The following EXOC4 variants were observed in gnomAD, a reference collection of about 807,000 sequenced individuals.
EXOC4 encodes the protein exocyst complex component 4, also known as SEC8-like 1.
EXOC4 carries 71 observed loss-of-function variants against 107.2 expected under a neutral mutation model. The ratio of observed to expected loss-of-function variants is 0.66; its 90% confidence interval spans 0.55 to 0.81. The LOEUF is 0.81. Ranked by LOEUF, EXOC4 falls within the 30% of genes least tolerant of loss-of-function variation. The pLI is 0.00. For missense variants in EXOC4, 1,108 were observed against 1,189.6 expected (o/e 0.93, Z 1.01); for synonymous variants, 456 against 441.2 (o/e 1.03, Z -0.42).
intron 9 of EXOC4, among the ~76,000 whole-genome samples, chr7:133,529,353 A>G (rs770156983): frequency 2.1e-4 from 32 of 152,172 alleles, no homozygotes; most frequent in Non-Finnish European, 3.2e-4. Flanking sequence ...TCATTCAGAC[A>G]TCCCTGCTCC....
chr7:134,046,209 C>T (rs1468324787), intron 17 of EXOC4, among the ~76,000 whole-genome samples: 2 of 152,168 alleles, frequency 1.3e-5, no homozygotes, highest in African/African-American at 4.8e-5. Context: ...GGGCCGGGCA[C>T]AATGGCTCAT....
chr7:134,045,716 G>C (rs966192885), intron 17 of EXOC4, among the ~76,000 whole-genome samples: 1 of 152,096 alleles, frequency 6.6e-6, no homozygotes, highest in African/African-American at 2.4e-5. Context: ...TCACCAGCTA[G>C]TTTTGGAACA....
chr7:133,668,146 G>GT (rs1471763114), intron 10 of EXOC4, among the ~76,000 whole-genome samples: 1 of 152,118 alleles, frequency 6.6e-6, no homozygotes, highest in East Asian at 1.9e-4. Context: ...ATTCGGAATG[G>GT]TTTTTTATGT....
intron 1 of EXOC4, among the ~76,000 whole-genome samples, chr7:133,267,830 T>C (rs1464948858): frequency 6.6e-6 from 1 of 152,228 alleles, no homozygotes; most frequent in Non-Finnish European, 1.5e-5. Flanking sequence ...GGCTGGGAAC[T>C]GTCCTCCATG....
At chr7:133,448,557 T>C (rs567693571) in intron 7 of EXOC4, among the ~76,000 whole-genome samples, 5 of 152,188 alleles carry the variant, frequency 3.3e-5, no homozygotes, top group South Asian at 2.1e-4. Context: ...ATCTTGCCAC[T>C]TCACCCATCC....
chr7:133,682,847 A>G (rs1169951011), intron 10 of EXOC4, among the ~76,000 whole-genome samples: 1 of 152,240 alleles, frequency 6.6e-6, no homozygotes, highest in Non-Finnish European at 1.5e-5. Flanking sequence ...GTCCCAGAGC[A>G]CATTGTTATT....
At chr7:133,817,085 T>C (rs956832219) in intron 10 of EXOC4, among the ~76,000 whole-genome samples, 1 of 152,208 alleles carries the variant, frequency 6.6e-6, no homozygotes, top group African/African-American at 2.4e-5. Context: ...AAAAATAATT[T>C]TTGTCTTCTC....
At chr7:134,096,341 G>A in the EXOC4 span, among the ~76,000 whole-genome samples, 1 of 152,138 alleles carries the variant, frequency 6.6e-6, no homozygotes, top group Non-Finnish European at 1.5e-5. Flanking sequence ...AAAGATAGAG[G>A]GCCATTTATC....
At chr7:133,254,553 C>T (rs7777153) in intron 1 of EXOC4, among the ~76,000 whole-genome samples, 26,086 of 152,128 alleles carry the variant, frequency 0.17, 5,062 homozygotes, top group African/African-American at 0.47. Context: ...ACCTTATAGT[C>T]AACATTTATT....
At chr7:133,374,683 G>T in intron 6 of EXOC4, 145 bp from the exon 7 acceptor site, 1 of 605,812 alleles carries the variant, frequency 1.7e-6, no homozygotes. Context: ...ACAGTTGTTT[G>T]AATTCACATC....
chr7:133,498,123 C>G (rs1584959928), intron 9 of EXOC4, among the ~76,000 whole-genome samples: 1 of 152,150 alleles, frequency 6.6e-6, no homozygotes, highest in African/African-American at 2.4e-5. Flanking sequence ...CTCCCTACCA[C>G]TCCCAAGCCC....
At chr7:133,780,049 C>A (rs2551031) in intron 10 of EXOC4, among the ~76,000 whole-genome samples, 150,237 of 152,252 alleles carry the variant, frequency 0.99, 74,165 homozygotes, top group Middle Eastern at 1. Flanking sequence ...GGTGTGCTGG[C>A]GATAAAAGCA....
chr7:133,641,933 C>T (rs1042675742), intron 10 of EXOC4, among the ~76,000 whole-genome samples: 9 of 152,224 alleles, frequency 5.9e-5, no homozygotes, highest in African/African-American at 1.7e-4. Flanking sequence ...AAAATTGATA[C>T]GAGGATTTCA....
intron 7 of EXOC4, among the ~76,000 whole-genome samples, chr7:133,382,335 G>T (rs1353873893): frequency 6.6e-6 from 1 of 152,162 alleles, no homozygotes; most frequent in Non-Finnish European, 1.5e-5. Context: ...CAGTATGACA[G>T]ATATTTTAAT....
At chr7:133,625,230 A>C (rs970328633) in intron 9 of EXOC4, among the ~76,000 whole-genome samples, 1 of 152,152 alleles carries the variant, frequency 6.6e-6, no homozygotes, top group Admixed American at 6.5e-5. Flanking sequence ...TGGCAATTCT[A>C]ATGGAAAAGG....
chr7:133,887,013 G>A (rs941764764), intron 11 of EXOC4, among the ~76,000 whole-genome samples: 42 of 152,198 alleles, frequency 2.8e-4, no homozygotes, highest in African/African-American at 8.9e-4. Flanking sequence ...GGAAAATTGT[G>A]TGTAATCATA....
At chr7:134,007,892 T>C in intron 17 of EXOC4, 57 bp downstream of exon 17, 2 of 1,479,494 alleles carry the variant, frequency 1.4e-6, no homozygotes, top group Non-Finnish European at 1.8e-6. Context: ...TCGTTGCCTG[T>C]GAAGTCATTT....
At chr7:134,083,172 AC>A in the EXOC4 span, among the ~76,000 whole-genome samples, 8 of 152,170 alleles carry the variant, frequency 5.3e-5, no homozygotes, top group Non-Finnish European at 7.3e-5. Context: ...CACCAAGAGG[AC>A]AAGGGAGGTT....
At chr7:133,978,247 C>T (rs1010503942) in intron 14 of EXOC4, among the ~76,000 whole-genome samples, 2 of 152,210 alleles carry the variant, frequency 1.3e-5, no homozygotes, top group African/African-American at 4.8e-5. Flanking sequence ...CATTTTTGGT[C>T]TGGGCTGCTG....
Sources: allele counts gnomAD v4.1 joint callset (sites outside exome capture counted in the v4.1 genomes callset), GRCh38; gene constraint gnomAD v4.1.1; transcripts MANE v1.5; gene names NCBI Gene and HGNC (gene_info 2026-07-23, HGNC 2026-07-21).